Variants in TEX11 observed in about 807,000 individuals in gnomAD.
The protein encoded by TEX11 is testis-expressed protein 11.
TEX11 carries 7 observed loss-of-function variants against 84.4 expected under a neutral mutation model. The ratio of observed to expected loss-of-function variants is 0.08; its 90% CI spans 0.05 to 0.16. TEX11 has a LOEUF of 0.16. Among genes scored for constraint, TEX11 ranks in the 10% least tolerant of loss-of-function variants. The pLI, the probability that TEX11 is intolerant of heterozygous loss-of-function variation, is 1.00. For missense variants in TEX11, 551 were observed against 660.5 expected, an observed-to-expected ratio of 0.83 and a Z score of 1.82; for synonymous variants, 264 against 222.8, an observed-to-expected ratio of 1.18 and a Z score of -1.64.
chrX:70,806,728 A>G lies in TEX11; in HGVS notation c.669T>C (p.Tyr223=). 2 of 1,185,872 alleles carry G rather than the reference A, an allele frequency of 1.7e-6. No homozygotes were observed. The highest frequency in any genetic ancestry group is 1.8e-5 in the South Asian group (1 of 54,541). The change falls in exon 9 of 30, where the codon TAT becomes TAC. Residue 223 remains tyrosine, a synonymous_variant. Coordinates refer to ENST00000374333, the MANE Select transcript of TEX11 (RefSeq NM_031276.3). ...ACCTAAGCCAGAAAGAACTTTCTTC[A>G]TATTTATTATTCTTCTGGGTTTCTA... is the stretch of plus-strand genomic sequence containing the variant. ...FGVETQKNNK[Y]EESSFWLSQS...
At chrX:70,676,861 G>A (rs1942860666) in intron 15 of TEX11, among the ~76,000 whole-genome samples, 1 of 111,573 alleles carries the variant, frequency 9.0e-6, no homozygotes, top group Non-Finnish European at 1.9e-5. Flanking sequence ...CTAATATGAT[G>A]TTAATACTGT....
intron 24 of TEX11, among the ~76,000 whole-genome samples, chrX:70,593,056 A>AACACACACACACAC (rs56116828): frequency 1.0e-5 from 1 of 95,976 alleles, no homozygotes; most frequent in African/African-American, 3.8e-5. Flanking sequence ...AGAGCATTTT[A>AACACACACACACAC]ACACACACAC....
intron 11 of TEX11, among the ~76,000 whole-genome samples, chrX:70,733,811 C>G (rs997160558): frequency 2.7e-5 from 3 of 111,600 alleles, no homozygotes; most frequent in Non-Finnish European, 3.8e-5. Flanking sequence ...TGGGTATATA[C>G]CCAAAGGACT....
intron 25 of TEX11, among the ~76,000 whole-genome samples, chrX:70,560,361 G>A (rs2088351049): frequency 9.1e-6 from 1 of 110,403 alleles, no homozygotes; most frequent in South Asian, 3.9e-4. Flanking sequence ...TGTTGGTCAG[G>A]CTGGTCTCGA....
At chrX:70,783,793 G>A (rs765424816) in intron 9 of TEX11, among the ~76,000 whole-genome samples, 2 of 111,255 alleles carry the variant, frequency 1.8e-5, no homozygotes, top group African/African-American at 3.3e-5. Context: ...TTGAATCTCC[G>A]AATAGGTGAA....
intron 7 of TEX11, among the ~76,000 whole-genome samples, chrX:70,848,843 G>T (rs1162655977): frequency 4.5e-5 from 5 of 111,263 alleles, no homozygotes; most frequent in Non-Finnish European, 9.4e-5. Context: ...CCCTTCCTCA[G>T]TGTGACCCTG....
chrX:70,658,120 A>C (rs2089889889), intron 16 of TEX11, among the ~76,000 whole-genome samples: 2 of 111,518 alleles, frequency 1.8e-5, no homozygotes, highest in South Asian at 7.5e-4. Context: ...GATCAACCTA[A>C]ATAAGAATTA....
chrX:70,719,102 G>A (rs755313929), intron 13 of TEX11, among the ~76,000 whole-genome samples: 2 of 111,715 alleles, frequency 1.8e-5, no homozygotes, highest in African/African-American at 6.5e-5. Context: ...ACTGTATTGT[G>A]CATCCAATTC....
At chrX:70,608,973 G>C in intron 22 of TEX11, 118 bp downstream of exon 22, 1 of 538,934 alleles carries the variant, frequency 1.9e-6, no homozygotes, top group East Asian at 3.8e-5. Flanking sequence ...TAATAAAACA[G>C]ATTAAGCAAG....
At chrX:70,561,684 C>G (rs932955203) in intron 25 of TEX11, among the ~76,000 whole-genome samples, 1 of 110,535 alleles carries the variant, frequency 9.0e-6, no homozygotes, top group African/African-American at 3.3e-5. Context: ...CCGTGCCCAG[C>G]CCAAATTTAC....
intron 7 of TEX11, among the ~76,000 whole-genome samples, chrX:70,839,093 G>A (rs1386345948): frequency 1.8e-5 from 2 of 112,587 alleles, no homozygotes; most frequent in African/African-American, 6.4e-5. Context: ...AAAGACAGCA[G>A]TAACCTATGC....
At chrX:70,711,581 T>A (rs980570055) in intron 13 of TEX11, among the ~76,000 whole-genome samples, 2 of 112,388 alleles carry the variant, frequency 1.8e-5, no homozygotes, top group Admixed American at 9.4e-5. Flanking sequence ...GCTGCACAAA[T>A]GTCTTCTTTT....
At chrX:70,784,560 T>A (rs2091064818) in intron 9 of TEX11, among the ~76,000 whole-genome samples, 1 of 111,743 alleles carries the variant, frequency 8.9e-6, no homozygotes, top group African/African-American at 3.2e-5. Flanking sequence ...GCAGGTGACA[T>A]GATTGTATAT....
At chrX:70,702,334 C>T (rs2090332607) in intron 13 of TEX11, among the ~76,000 whole-genome samples, 2 of 112,019 alleles carry the variant, frequency 1.8e-5, no homozygotes. Flanking sequence ...ACAAAGATTA[C>T]AACTCACTGA....
the TEX11 span, among the ~76,000 whole-genome samples, chrX:70,516,147 T>C: frequency 1.5e-3 from 165 of 112,535 alleles, 1 homozygote; most frequent in African/African-American, 5.3e-3. Context: ...TTGTCAATTT[T>C]GGCTTTTGTT....
chrX:70,836,157 G>A (rs1481987271), intron 7 of TEX11, among the ~76,000 whole-genome samples: 1 of 107,626 alleles, frequency 9.3e-6, no homozygotes, highest in Non-Finnish European at 1.9e-5. Flanking sequence ...AATACTCCCC[G>A]AGTTGATCTA....
chrX:70,588,290 C>T (rs140496708), intron 25 of TEX11, among the ~76,000 whole-genome samples: 2 of 111,572 alleles, frequency 1.8e-5, no homozygotes, highest in African/African-American at 6.5e-5. Context: ...GTGTCTCCAC[C>T]CAAATCTCTT....
intron 11 of TEX11, among the ~76,000 whole-genome samples, chrX:70,727,380 T>C (rs2090607490): frequency 9.0e-6 from 1 of 111,623 alleles, no homozygotes; most frequent in Non-Finnish European, 1.9e-5. Context: ...GTATATGCAA[T>C]GTATATGTAT....
rs781480169 is a variant in TEX11 at position 70,636,176 on chromosome X, G to A, written c.1484-6441C>T. Reference sequence around the variant, plus strand: ...CCCAGGCTGGCCCCCACAGACCCAGGCCCCAGGCAGGTCCCCACAGCCCCA... The same window carrying A: ...CCCAGGCTGGCCCCCACAGACCCAGACCCCAGGCAGGTCCCCACAGCCCCA... On this transcript the variant is annotated intron_variant, in intron 17 of 29. Transcript: ENST00000374333. Among the ~76,000 whole-genome samples the A allele has an allele frequency of 1.1e-4, 12 of 110,681 alleles. No homozygotes were observed. In the East Asian group the frequency reaches 3.4e-3, roughly 32 times the overall value.
Sources: gnomAD v4.1 joint callset for allele counts (sites outside exome capture counted in the v4.1 genomes callset) on GRCh38, gnomAD v4.1.1 for gene constraint, MANE v1.5 for transcripts, NCBI Gene and HGNC (gene_info 2026-07-23, HGNC 2026-07-21) for gene names.